Variants in IQCM observed in about 807,000 individuals in gnomAD.
The protein encoded by IQCM is IQ domain-containing protein M.
Under a neutral mutation model 57.6 loss-of-function variants are expected in IQCM, and 45 were observed. That is an observed-to-expected ratio of 0.78 (90% CI 0.62 to 1.00). The LOEUF is 1.00. IQCM is among the 50% of genes least tolerant of loss of function. The pLI is 0.00. For missense variants in IQCM, 468 were observed against 511.6 expected, an observed-to-expected ratio of 0.91 and a Z score of 0.82; for synonymous variants, 148 against 158.9, an observed-to-expected ratio of 0.93 and a Z score of 0.51.
At chr4:149,379,559 C>T (rs1453992163) in intron 13 of IQCM, among the ~76,000 whole-genome samples, 1 of 152,144 alleles carries the variant, frequency 6.6e-6, no homozygotes, top group Non-Finnish European at 1.5e-5. Context: ...GCCTTTAGCC[C>T]CTTTGCTTTG....
intron 12 of IQCM, among the ~76,000 whole-genome samples, chr4:149,450,063 T>G (rs560693646): frequency 6.6e-6 from 1 of 151,744 alleles, no homozygotes; most frequent in Non-Finnish European, 1.5e-5. Flanking sequence ...CACACATCTA[T>G]AGTGAACTCA....
intron 11 of IQCM, among the ~76,000 whole-genome samples, chr4:149,550,634 T>C (rs1421378036): frequency 6.6e-6 from 1 of 152,216 alleles, no homozygotes; most frequent in East Asian, 1.9e-4. Context: ...AAGGATGATA[T>C]ATTTAGGGTA....
rs1774996599 is a variant in IQCM at position 149,815,691 on chromosome 4, G to C, written c.-178C>G. ...AGTTGCTTCACAGCATAGAAACCTT[G>C]TATTCTTCCTTTATTATTTATCTTT... On this transcript the variant is annotated 5_prime_UTR_variant, in exon 1 of 14. Coordinates refer to ENST00000636793, the MANE Select transcript of IQCM (RefSeq NM_001363507.2). 1 of 151,868 alleles carries C rather than the reference G, an allele frequency of 6.6e-6. No individual in the cohort carries two copies. The highest frequency in any genetic ancestry group is 1.5e-5 in the Non-Finnish European group (1 of 67,876). The allele number at this position is 151,868 out of a possible 1,614,324, so 9.4% of individuals were successfully genotyped here. A position where few individuals can be genotyped will look rare whatever the true frequency, so the allele number is the denominator to read the frequency against.
intron 2 of IQCM, among the ~76,000 whole-genome samples, chr4:149,761,885 G>A (rs1322205521): frequency 2.0e-5 from 3 of 152,100 alleles, no homozygotes; most frequent in Non-Finnish European, 2.9e-5. Context: ...TCTCAAATAT[G>A]TATAGCATTA....
At chr4:149,592,326 T>C (rs1326805074) in intron 8 of IQCM, among the ~76,000 whole-genome samples, 9 of 152,210 alleles carry the variant, frequency 5.9e-5, no homozygotes, top group Non-Finnish European at 4.4e-5. Flanking sequence ...CTTGTAAATT[T>C]GTTTAAGTTC....
intron 13 of IQCM, among the ~76,000 whole-genome samples, chr4:149,392,314 T>C (rs1229436371): frequency 1.3e-5 from 2 of 151,956 alleles, no homozygotes; most frequent in Admixed American, 6.6e-5. Context: ...AGCAAGAAGG[T>C]TGAAGATAAA....
At chr4:149,497,083 C>T (rs983674461) in intron 12 of IQCM, among the ~76,000 whole-genome samples, 8 of 152,098 alleles carry the variant, frequency 5.3e-5, no homozygotes, top group Admixed American at 4.6e-4. Context: ...CATGGAATTT[C>T]GCCCTCTGTC....
intron 12 of IQCM, among the ~76,000 whole-genome samples, chr4:149,521,660 C>A: frequency 6.6e-6 from 1 of 152,304 alleles, no homozygotes. Flanking sequence ...TATCTAACAG[C>A]GACAGCATTA....
intron 12 of IQCM, among the ~76,000 whole-genome samples, chr4:149,461,669 CAAG>C (rs1429605639): frequency 6.9e-6 from 1 of 144,510 alleles, no homozygotes; most frequent in East Asian, 2.0e-4. Context: ...AAAAAAAAAA[CAAG>C]AAGAAGAAAG....
rs991230613 is a variant in IQCM at position 149,554,416 on chromosome 4, A to C, written c.949-1129T>G. On this transcript the variant is annotated intron_variant, in intron 10 of 13. Coordinates refer to ENST00000636793, the MANE Select transcript of IQCM (RefSeq NM_001363507.2). ...GAGTGCACCTCTGCCTCCTGAGTTC[A>C]AGCGATTCTCATGTCTCAGCCCCTG... Among the ~76,000 whole-genome samples the C allele has an allele frequency of 2.6e-5, 4 of 151,892 alleles. No individual in the cohort carries two copies. The East Asian group carries it at 7.8e-4, about 29-fold the overall frequency.
chr4:149,696,217 A>T (rs539528517), intron 5 of IQCM, among the ~76,000 whole-genome samples: 55 of 152,270 alleles, frequency 3.6e-4, no homozygotes, highest in Non-Finnish European at 7.4e-4. Context: ...CTTCCATGGT[A>T]GCACACCCAA....
intron 13 of IQCM, among the ~76,000 whole-genome samples, chr4:149,359,023 G>T (rs935144905): frequency 6.6e-6 from 1 of 151,498 alleles, no homozygotes; most frequent in Non-Finnish European, 1.5e-5. Context: ...CCTAAAGAAG[G>T]GGACATCAAG....
At chr4:149,480,273 C>T (rs1337545030) in intron 12 of IQCM, among the ~76,000 whole-genome samples, 2 of 152,096 alleles carry the variant, frequency 1.3e-5, no homozygotes, top group African/African-American at 2.4e-5. Flanking sequence ...AATCCAATTA[C>T]ACTTTTTAAA....
At chr4:149,471,801 G>T (rs1166178848) in intron 12 of IQCM, among the ~76,000 whole-genome samples, 5 of 152,158 alleles carry the variant, frequency 3.3e-5, no homozygotes, top group Admixed American at 6.5e-5. Flanking sequence ...TCCCTGGGTT[G>T]CAAGTCTGGT....
chr4:149,608,164 AAAG>A (rs1393587108), intron 8 of IQCM, among the ~76,000 whole-genome samples: 1 of 151,972 alleles, frequency 6.6e-6, no homozygotes, highest in Non-Finnish European at 1.5e-5. Flanking sequence ...AAAAAGGAAC[AAAG>A]AAGGTTATTA....
chr4:149,690,025 T>C (rs979539812), intron 5 of IQCM, among the ~76,000 whole-genome samples: 1 of 152,232 alleles, frequency 6.6e-6, no homozygotes, highest in East Asian at 1.9e-4. Context: ...GAACTAAAAG[T>C]AGAACTACCA....
intron 7 of IQCM, among the ~76,000 whole-genome samples, chr4:149,625,835 C>T (rs2726775): frequency 0.21 from 32,218 of 152,050 alleles, 4,268 homozygotes; most frequent in Non-Finnish European, 0.28. Flanking sequence ...CAAGGCACCA[C>T]ATTTTTGGGG....
At chr4:149,611,976 AT>A (rs895970797) in intron 8 of IQCM, among the ~76,000 whole-genome samples, 64 of 145,402 alleles carry the variant, frequency 4.4e-4, no homozygotes, top group African/African-American at 1.5e-3. Flanking sequence ...TTTATTATTT[AT>A]AAAGAAAAGA....
intron 9 of IQCM, among the ~76,000 whole-genome samples, chr4:149,586,524 C>A (rs1381521117): frequency 6.6e-6 from 1 of 151,556 alleles, no homozygotes; most frequent in Non-Finnish European, 1.5e-5. Flanking sequence ...AAAAAGAGCA[C>A]ATAAATTTTA....
Sources: gnomAD v4.1 joint callset for allele counts (sites outside exome capture counted in the v4.1 genomes callset) on GRCh38, gnomAD v4.1.1 for gene constraint, MANE v1.5 for transcripts, NCBI Gene and HGNC (gene_info 2026-07-23, HGNC 2026-07-21) for gene names.